Variants in LAMA5 observed in about 807,000 individuals in gnomAD.
The protein encoded by LAMA5 is laminin subunit alpha-5.
LAMA5 carries 260 observed loss-of-function variants against 433.4 expected under a neutral mutation model. That is an observed-to-expected ratio of 0.60 (90% confidence interval 0.54 to 0.66). The LOEUF is 0.66. LAMA5 is among the 30% of genes least tolerant of loss of function. The probability of loss-of-function intolerance (pLI) is 0.00; values close to 1 mark genes in which losing one functional copy is unlikely to be tolerated. For synonymous variants in LAMA5, 2,620 were observed against 2,226.6 expected (o/e 1.18, Z -4.97); for missense variants, 5,378 against 5,258.5 (o/e 1.02, Z -0.70).
At position 62,318,347 on chromosome 20, in the gene LAMA5, A is replaced by AGGGAGGGGAGGACGAG. The variant is rs1344143091; in HGVS notation, c.7239+91_7239+106dup. ...GGGAGGACGAGGGAGGGGAGGACGG[A>AGGGAGGGGAGGACGAG]GGGAGGGGAGGACGAGGGGAGGGGA... On this transcript the variant is annotated intron_variant, in intron 53 of 79. Transcript: ENST00000252999. 9.8e-5 allele frequency: 35 copies of AGGGAGGGGAGGACGAG among 356,896 alleles called. 1 individual carries two copies. Among genetic ancestry groups the AGGGAGGGGAGGACGAG allele is most frequent in the Non-Finnish European group, 1.3e-4 (26 of 203,324 alleles). The allele number at this position is 356,896 out of a possible 1,614,324, so 22.1% of individuals were successfully genotyped here.
Position 62,317,258 on chromosome 20 carries a change from G to A in LAMA5, c.7511+87C>T, listed in dbSNP as rs532128386. 11 of 1,386,256 alleles carry A rather than the reference G, an allele frequency of 7.9e-6. No individual in the cohort carries two copies. In the Admixed American group the frequency reaches 2.2e-4, roughly 28 times the overall value. The allele number at this position is 1,386,256 out of a possible 1,614,324, so 85.9% of individuals were successfully genotyped here. The stretch of plus-strand genomic sequence containing the variant: ...TTGAGGACAACGGCCTCAGCCCCTA[G>A]GAGCCTTCCCAGACCAGCTGGCCCT... On this transcript the variant is annotated intron_variant, in intron 55 of 79. Coordinates refer to ENST00000252999, the MANE Select transcript of LAMA5 (RefSeq NM_005560.6).
intron 6 of LAMA5, among the ~76,000 whole-genome samples, chr20:62,349,296 G>T (rs951556314): frequency 7.5e-6 from 1 of 132,516 alleles, no homozygotes; most frequent in African/African-American, 2.8e-5. Flanking sequence ...AAAAAAAAGC[G>T]TGAGTCCTGA....
At chr20:62,358,953 G>C (rs908741035) in intron 2 of LAMA5, among the ~76,000 whole-genome samples, 1 of 152,078 alleles carries the variant, frequency 6.6e-6, no homozygotes, top group Non-Finnish European at 1.5e-5. Flanking sequence ...CCCTCACCTG[G>C]CACTGCTCGC....
At chr20:62,364,850 A>G (rs1986546021) in intron 1 of LAMA5, among the ~76,000 whole-genome samples, 1 of 152,216 alleles carries the variant, frequency 6.6e-6, no homozygotes. Context: ...AGCCTTGAGA[A>G]CACACTGCCC....
At chr20:62,345,689 G>A in intron 11 of LAMA5, 129 bp downstream of exon 11, 1 of 694,032 alleles carries the variant, frequency 1.4e-6, no homozygotes, top group Admixed American at 2.8e-5. Context: ...GGCATAATTT[G>A]CATAAAAAGA....
At chr20:62,330,323 C>T (rs1055128394) in intron 31 of LAMA5, among the ~76,000 whole-genome samples, 165 bp downstream of exon 31, 5 of 152,278 alleles carry the variant, frequency 3.3e-5, no homozygotes, top group African/African-American at 1.2e-4. Context: ...CGGGAGCGGG[C>T]GGGTAGGGGC....
At chr20:62,338,735 AAAT>A in intron 11 of LAMA5, 127 bp from the exon 12 acceptor site, 1 of 1,049,156 alleles carries the variant, frequency 9.5e-7, no homozygotes, top group Non-Finnish European at 1.3e-6. Context: ...CTAGAAAATA[AAAT>A]AATAAAAATC....
intron 11 of LAMA5, among the ~76,000 whole-genome samples, chr20:62,341,097 G>A (rs6089351): frequency 0.53 from 80,809 of 151,320 alleles, 26,094 homozygotes; most frequent in East Asian, 0.75. Flanking sequence ...AAAAATAAAA[G>A]TCGTCACATT....
intron 6 of LAMA5, chr20:62,350,894 C>T (rs913432310): frequency 6.6e-6 from 1 of 152,352 alleles, no homozygotes; most frequent in Non-Finnish European, 1.5e-5. Context: ...AGGCGCTCAA[C>T]ATACAGCTGC....
chr20:62,350,036 G>A (rs1459328723), intron 6 of LAMA5, among the ~76,000 whole-genome samples: 1 of 151,746 alleles, frequency 6.6e-6, no homozygotes, highest in Non-Finnish European at 1.5e-5. Flanking sequence ...CCAGGTCCTG[G>A]TAACAGAGGC....
chr20:62,311,261 A>G lies in LAMA5; in HGVS notation c.9989T>C (p.Leu3330Pro), dbSNP rs1391958750. 2 of 1,605,164 alleles carry G rather than the reference A, an allele frequency of 1.2e-6. No homozygotes were observed. Among genetic ancestry groups the G allele is most frequent in the South Asian group, 1.1e-5 (1 of 90,492 alleles). ...TCGGGTGGTCCTGAGGTGTGGGGGC[A>G]GCATGCAGGCAGGATGCCGGGCGGG... Reference protein sequence around the residue: ...RQPARHPACMLPPHLRTTRDS... With the variant: ...RQPARHPACMPPPHLRTTRDS... The change falls in exon 73 of 80, where the codon CTG becomes CCG. Residue 3330 changes from leucine to proline, a missense_variant. Leu to Pro is a moderately conservative substitution (Grantham distance 98). Transcript: ENST00000252999.
chr20:62,352,174 C>CACTGCCCCTCCCCT, intron 4 of LAMA5, 68 bp downstream of exon 4: 1 of 1,577,136 alleles, frequency 6.3e-7, no homozygotes, highest in Non-Finnish European at 8.6e-7. Context: ...CCCCGCTCGG[C>CACTGCCCCTCCCCT]ACTGCCCCTC....
rs563144177 is a variant in LAMA5, at chr20:62,329,205, G to C, written c.4168C>G (p.Arg1390Gly). 7 of 1,612,834 alleles carry C rather than the reference G, an allele frequency of 4.3e-6. No individual in the cohort carries two copies. The Middle Eastern group carries it at 4.9e-4, about 114-fold the overall frequency. ...TAGGATTTATCCAGGGGCTCCTCCC[G>C]GAGGTAGCCAAAGCTGTAGACGTTC... ...PENVYSFGYL[R>G]EEPLDKSYDF... The change falls in exon 33 of 80, where the codon CGG (arginine) becomes GGG (glycine). Residue 1390 changes from arginine to glycine, a missense_variant. Transcript: ENST00000252999.
rs537259546 is a variant in LAMA5 at position 62,347,056 on chromosome 20, G to A, written c.957-28C>T. On this transcript the variant is annotated intron_variant, in intron 6 of 79. Transcript: ENST00000252999. ...GTGGGGTACACAGGAGGGGGGATCA[G>A]GCCCATCCTGGAGGCAGGTGGCAGG... 1.4e-4 allele frequency: 216 copies of A among 1,564,478 alleles called. 6 individuals carry two copies. In the South Asian group the frequency reaches 2.4e-3, roughly 17 times the overall value.
chr20:62,320,489 G>T, intron 50 of LAMA5, 70 bp downstream of exon 50: 1 of 1,177,942 alleles, frequency 8.5e-7, no homozygotes, highest in South Asian at 1.3e-5. Context: ...TCTGCTGAAT[G>T]AGGACAAGCG....
intron 1 of LAMA5, 91 bp downstream of exon 1, chr20:62,366,858 C>T: frequency 8.2e-7 from 1 of 1,219,312 alleles, no homozygotes; most frequent in Non-Finnish European, 1.0e-6. Context: ...CCTGGACTCG[C>T]CCCGGGCCAC....
At chr20:62,318,320 G>GGA (rs1568909533) in intron 53 of LAMA5, 134 bp downstream of exon 53, 2 of 317,156 alleles carry the variant, frequency 6.3e-6, no homozygotes, top group East Asian at 4.2e-5. Flanking sequence ...GAGGAGGAGG[G>GGA]GGGGAGGACG....
Position 62,314,836 on chromosome 20 carries a change from C to T in LAMA5, c.8159G>A (p.Arg2720Gln), listed in dbSNP as rs746425426. The part of the protein sequence containing the change: ...LALSASIGRV[R>Q]ELIAQARGAA... ...CCCCCGGGCCTGGGCAATGAGCTCT[C>T]GCACGCGGCCAATGCTGGCGGACAG... Residue 2720 changes from arginine to glutamine, a missense_variant, in exon 60 of 80, where the codon CGA becomes CAA. Transcript: ENST00000252999. 1.9e-6 allele frequency: 3 copies of T among 1,612,834 alleles called. No individual in the cohort carries two copies. The highest frequency in any genetic ancestry group is 1.1e-5 in the South Asian group (1 of 91,084).
At chr20:62,315,346 C>T in intron 58 of LAMA5, 139 bp from the exon 59 acceptor site, 1 of 711,408 alleles carries the variant, frequency 1.4e-6, no homozygotes, top group Non-Finnish European at 2.3e-6. Flanking sequence ...CCCCGCTGCT[C>T]AGTGCAATCC....
Sources: allele counts gnomAD v4.1 joint callset (sites outside exome capture counted in the v4.1 genomes callset), GRCh38; gene constraint gnomAD v4.1.1; transcripts MANE v1.5; gene names NCBI Gene and HGNC (gene_info 2026-07-23, HGNC 2026-07-21).